The following ANKFN1 variants were observed in gnomAD, a reference collection of about 807,000 sequenced individuals.
ANKFN1 encodes ankyrin repeat and fibronectin type-III domain-containing protein 1.
A neutral mutation model predicts 108.7 loss-of-function variants in ANKFN1; 74 were observed. The observed-to-expected ratio is 0.68, with a 90% CI of 0.56 to 0.83. The LOEUF is 0.83. ANKFN1 is among the 40% of genes least tolerant of loss of function. The pLI is 0.00. For synonymous variants in ANKFN1, 547 were observed against 516.2 expected, an observed-to-expected ratio of 1.06 and a Z score of -0.81; for missense variants, 1,505 against 1,382.3, an observed-to-expected ratio of 1.09 and a Z score of -1.41.
At chr17:56,125,052 T>G (rs1227709032) in intron 4 of ANKFN1, among the ~76,000 whole-genome samples, 2 of 152,232 alleles carry the variant, frequency 1.3e-5, no homozygotes, top group African/African-American at 2.4e-5. Flanking sequence ...ACCTGAGGAA[T>G]CTACTGCAAA....
chr17:56,474,206 C>T (rs1598679790), intron 15 of ANKFN1, among the ~76,000 whole-genome samples: 1 of 152,062 alleles, frequency 6.6e-6, no homozygotes, highest in African/African-American at 2.4e-5. Flanking sequence ...CCTACTGGAC[C>T]ATCACTCAAT....
chr17:56,299,934 A>G (rs1329496969), intron 3 of ANKFN1, among the ~76,000 whole-genome samples: 2 of 152,238 alleles, frequency 1.3e-5, no homozygotes, highest in Non-Finnish European at 2.9e-5. Context: ...TCAATGCTCA[A>G]CAAAAAGTTT....
chr17:56,094,519 C>CGCCAGGCT lies in ANKFN1; in HGVS notation c.288+48220_288+48227dup, dbSNP rs60704704. Among the ~76,000 whole-genome samples, 52 of 113,580 alleles carry CGCCAGGCT rather than the reference C, an allele frequency of 4.6e-4. 1 individual carries two copies. Among genetic ancestry groups the CGCCAGGCT allele is most frequent in the East Asian group, 7.3e-4 (3 of 4,134 alleles). The allele number at this position is 113,580 out of a possible 152,430, so 74.5% of individuals were successfully genotyped here. A position where few individuals can be genotyped will look rare whatever the true frequency, so the allele number is the denominator to read the frequency against. ...TTTTTGAGGCGAAGTCTTGTTTTGT[C>CGCCAGGCT]GCCAGGCTGCCAGGCTGCCAGGCTG... On this transcript the variant is annotated intron_variant, in intron 4 of 12. Coordinates refer to the ANKFN1 transcript ENST00000635860.
In ANKFN1 at chr17:56,214,795, G is replaced by T. The variant is rs77926233; in HGVS notation, c.12+2116G>T. Among the ~76,000 whole-genome samples the T allele has an allele frequency of 1.1e-3, 166 of 152,258 alleles. 4 individuals are homozygous for T. The East Asian group carries it at 0.028, about 26-fold the overall frequency. On this transcript the variant is annotated intron_variant, in intron 2 of 20. Transcript: ENST00000682825. Reference sequence around the variant, plus strand: ...CACTTGTCCTCTTCAGCCCATTTGAGTCTATTTCTCCTAATGGTTTCCATT... The same window carrying T: ...CACTTGTCCTCTTCAGCCCATTTGATTCTATTTCTCCTAATGGTTTCCATT...
At chr17:56,414,522 C>T (rs1287309665) in intron 8 of ANKFN1, among the ~76,000 whole-genome samples, 2 of 152,082 alleles carry the variant, frequency 1.3e-5, no homozygotes, top group African/African-American at 4.8e-5. Context: ...CCAAATTCAA[C>T]AATACATTAA....
intron 8 of ANKFN1, among the ~76,000 whole-genome samples, chr17:56,400,791 C>A (rs898717937): frequency 3.3e-5 from 5 of 152,094 alleles, no homozygotes; most frequent in African/African-American, 1.2e-4. Context: ...GATCCAGTTT[C>A]ATTCTCCTAC....
intron 8 of ANKFN1, among the ~76,000 whole-genome samples, chr17:56,384,525 G>A (rs1438335572): frequency 1.3e-5 from 2 of 152,142 alleles, no homozygotes; most frequent in Non-Finnish European, 2.9e-5. Context: ...TAGGAAAAGA[G>A]GAAATCAAAT....
At chr17:56,250,780 C>T (rs922833756) in intron 3 of ANKFN1, among the ~76,000 whole-genome samples, 5 of 152,118 alleles carry the variant, frequency 3.3e-5, no homozygotes, top group African/African-American at 1.2e-4. Flanking sequence ...TGATTATCAT[C>T]TGAAGCTTTA....
At chr17:56,420,683 C>CTTTTTTT (rs755355387) in intron 8 of ANKFN1, among the ~76,000 whole-genome samples, 4 of 119,600 alleles carry the variant, frequency 3.3e-5, no homozygotes, top group Non-Finnish European at 3.5e-5. Context: ...CTGACTCCTT[C>CTTTTTTT]TTTTTTTTTT....
At chr17:56,283,213 A>C (rs974317255) in intron 3 of ANKFN1, among the ~76,000 whole-genome samples, 7 of 152,032 alleles carry the variant, frequency 4.6e-5, no homozygotes, top group African/African-American at 1.7e-4. Context: ...TTGGTTTTCT[A>C]TTCCTCCCTC....
chr17:56,307,246 G>A (rs945368378), intron 3 of ANKFN1, among the ~76,000 whole-genome samples: 1 of 152,154 alleles, frequency 6.6e-6, no homozygotes, highest in Non-Finnish European at 1.5e-5. Context: ...TTAAACTGAG[G>A]AACTTCTGCA....
At chr17:56,126,174 A>G (rs1378360577) in intron 4 of ANKFN1, among the ~76,000 whole-genome samples, 2 of 152,200 alleles carry the variant, frequency 1.3e-5, no homozygotes, top group Admixed American at 6.5e-5. Flanking sequence ...ATAAAAGTCA[A>G]ATACCACATT....
intron 1 of ANKFN1, among the ~76,000 whole-genome samples, chr17:56,196,382 T>C (rs1379945608): frequency 6.6e-6 from 1 of 152,122 alleles, no homozygotes; most frequent in East Asian, 1.9e-4. Context: ...GAATCAAGTA[T>C]GAGAATTGAA....
At chr17:56,144,855 G>A (rs557932749) in intron 4 of ANKFN1, among the ~76,000 whole-genome samples, 25 of 152,224 alleles carry the variant, frequency 1.6e-4, no homozygotes, top group East Asian at 1.5e-3. Flanking sequence ...GCTTTCCATC[G>A]CCTCATTTTA....
At chr17:56,226,163 T>A (rs189128798) in intron 2 of ANKFN1, among the ~76,000 whole-genome samples, 2 of 152,228 alleles carry the variant, frequency 1.3e-5, no homozygotes, top group East Asian at 3.9e-4. Flanking sequence ...ATCAGAACAG[T>A]GTTCCAGTTA....
intron 20 of ANKFN1, among the ~76,000 whole-genome samples, chr17:56,509,755 A>G (rs189762639): frequency 7.2e-4 from 109 of 152,362 alleles, no homozygotes; most frequent in Middle Eastern, 3.4e-3. Context: ...GAAGAAAAGC[A>G]TTCCTTCTAG....
intron 4 of ANKFN1, among the ~76,000 whole-genome samples, chr17:56,109,724 G>A (rs1905851604): frequency 1.3e-5 from 2 of 152,346 alleles, no homozygotes; most frequent in South Asian, 2.1e-4. Flanking sequence ...AGGAAGTACA[G>A]TATTAATACA....
In ANKFN1 at chr17:56,498,953, A is replaced by C; in HGVS notation, c.2499A>C (p.Pro833=). ...TACAGTATGCAAGATACAAACAACC[A>C]GTTTCTGGCTTGCCCATCACTAAGC... ...DALQYARYKQ[P]VSGLPITKLI... Residue 833 remains proline, a synonymous_variant, in exon 20 of 21, where the codon CCA becomes CCC. Transcript: ENST00000682825. The C allele has an allele frequency of 1.3e-6, 2 of 1,535,770 alleles. No homozygotes were observed. Among genetic ancestry groups the C allele is most frequent in the East Asian group, 2.4e-5 (1 of 40,910 alleles).
At chr17:56,451,017 CA>C (rs1385789367) in intron 11 of ANKFN1, among the ~76,000 whole-genome samples, 1 of 151,728 alleles carries the variant, frequency 6.6e-6, no homozygotes, top group African/African-American at 2.4e-5. Context: ...TAGAACTTTC[CA>C]AAAAAGAAGA....
Sources: gnomAD v4.1 joint callset for allele counts (sites outside exome capture counted in the v4.1 genomes callset) on GRCh38, gnomAD v4.1.1 for gene constraint, MANE v1.5 for transcripts, NCBI Gene and HGNC (gene_info 2026-07-23, HGNC 2026-07-21) for gene names.